PLEC: variants seen among roughly 807,000 people sequenced by gnomAD.
The protein encoded by PLEC is hemidesmosomal protein 1.
Under a neutral mutation model 392.8 loss-of-function variants are expected in PLEC, and 216 were observed. That is an observed-to-expected ratio of 0.55 (90% confidence interval 0.49 to 0.62). The LOEUF (loss-of-function observed/expected upper bound fraction) is 0.62. Ranked by LOEUF, PLEC falls within the 20% of genes least tolerant of loss-of-function variation. The pLI is 0.00. For synonymous variants in PLEC, 3,621 were observed against 2,980.6 expected, an observed-to-expected ratio of 1.21 and a Z score of -7.00; for missense variants, 6,863 against 6,563.4, an observed-to-expected ratio of 1.05 and a Z score of -1.58.
chr8:143,920,308 C>G lies in PLEC; in HGVS notation c.9513G>C (p.Leu3171=), dbSNP rs1554681376. The G allele has an allele frequency of 3.1e-6, 5 of 1,590,532 alleles. No individual in the cohort carries two copies. The highest frequency in any genetic ancestry group is 4.3e-6 in the Non-Finnish European group (5 of 1,174,570). The part of the protein sequence containing the change: ...GCLDEETSRA[L]SAPRADAKAY... Reference sequence around the variant, plus strand: ...CCTTGGCGTCGGCCCTTGGTGCCGACAGGGCCCTGCTGGTCTCCTCATCCA... The same window carrying G: ...CCTTGGCGTCGGCCCTTGGTGCCGAGAGGGCCCTGCTGGTCTCCTCATCCA... Residue 3171 remains leucine, a synonymous_variant, in exon 32 of 32, where the codon CTG becomes CTC. Coordinates refer to ENST00000345136, the MANE Select transcript of PLEC (RefSeq NM_201384.3).
upstream of PLEC, chr8:143,942,619 C>T: frequency 3.7e-6 from 5 of 1,342,566 alleles, no homozygotes; most frequent in Non-Finnish European, 4.9e-6. Context: ...GCCGGCTTCG[C>T]TCTCCACCTC....
At position 143,925,308 on chromosome 8, in the gene PLEC, G is replaced by A; in HGVS notation, c.4621C>T (p.Leu1541=). Residue 1541 remains leucine (L), a synonymous_variant, in exon 31 of 32, where the codon CTG becomes TTG. Transcript: ENST00000345136. ...KQRALQALEE[L]RLQAEEAERR... is the part of the protein sequence containing the mutation. ...TCCGCCTCCTCCGCCTGCAGCCGCA[G>A]CTCCTCCAGGGCCTGCAGGGCCCGC... 2 of 1,569,702 alleles carry A rather than the reference G, an allele frequency of 1.3e-6. No homozygotes were observed. Among genetic ancestry groups the A allele is most frequent in the East Asian group, 2.3e-5 (1 of 42,938 alleles).
At chr8:143,936,138 C>G in intron 5 of PLEC, 124 bp from the exon 6 acceptor site, 2 of 1,032,842 alleles carry the variant, frequency 1.9e-6, no homozygotes, top group Non-Finnish European at 1.5e-6. Flanking sequence ...GGCCACCAAA[C>G]CAGCCAGGGC....
chr8:143,930,372 G>A lies in PLEC; in HGVS notation c.2457+12C>T. On this transcript the variant is annotated intron_variant, in intron 20 of 31. Transcript: ENST00000345136. ...GGCCACGCCCCCCAGTGGACCCCCGGCCTGCGCTCACCTCCACCTGCTTAT... is the reference window on the plus strand; with the variant it reads ...GGCCACGCCCCCCAGTGGACCCCCGACCTGCGCTCACCTCCACCTGCTTAT... 1 of 1,574,618 alleles carries A rather than the reference G, an allele frequency of 6.4e-7. No individual in the cohort carries two copies.
At position 143,921,398 on chromosome 8, in the gene PLEC, G is replaced by A; in HGVS notation, c.8423C>T (p.Ala2808Val). ...VREHGIRLLE[A>V]QIATGGVIDP... ...GATAACGCCGCCCGTGGCGATCTGG[G>A]CCTCCAGCAGGCGGATGCCGTGCTC... Residue 2808 changes from alanine to valine, a missense_variant, in exon 32 of 32, where the codon GCC becomes GTC. Transcript: ENST00000345136. The A allele has an allele frequency of 6.2e-7, 1 of 1,613,384 alleles. No homozygotes were observed. Among genetic ancestry groups the A allele is most frequent in the Non-Finnish European group, 8.5e-7 (1 of 1,179,808 alleles).
At chr8:143,959,117 G>C (rs1203777200) in intron 1 of PLEC, among the ~76,000 whole-genome samples, 6 of 152,218 alleles carry the variant, frequency 3.9e-5, no homozygotes, top group Admixed American at 3.9e-4. Flanking sequence ...CTGCTGAGGG[G>C]AGGGCGTGTG....
chr8:143,970,688 A>T (rs1833380386), intron 1 of PLEC, among the ~76,000 whole-genome samples: 2 of 152,142 alleles, frequency 1.3e-5, no homozygotes, highest in South Asian at 4.1e-4. Flanking sequence ...TCAGTTATGG[A>T]CTGGCCGCCT....
At chr8:143,976,497 C>T (rs546571980), upstream of PLEC, among the ~76,000 whole-genome samples, 1 of 152,286 alleles carries the variant, frequency 6.6e-6, no homozygotes, top group East Asian at 1.9e-4. Flanking sequence ...CCCCAGCGGC[C>T]TTTCCTGCCC....
intron 1 of PLEC, among the ~76,000 whole-genome samples, chr8:143,947,663 T>A (rs1210257452): frequency 2.0e-5 from 3 of 151,934 alleles, no homozygotes; most frequent in Admixed American, 1.3e-4. Context: ...GACAGGAGAA[T>A]CGCTTCAACC....
chr8:143,945,185 C>G (rs1193983498), intron 1 of PLEC: 1 of 474,280 alleles, frequency 2.1e-6, no homozygotes, highest in Non-Finnish European at 4.3e-6. Flanking sequence ...CACCGGTGGC[C>G]GGGACAGCCA....
upstream of PLEC, among the ~76,000 whole-genome samples, chr8:143,954,327 G>A (rs1489013436): frequency 8.4e-6 from 1 of 119,152 alleles, no homozygotes; most frequent in Non-Finnish European, 1.7e-5. This position sits in a 1 kb window ranked among gnomAD's most constrained non-coding sequence, Gnocchi z 4.6. Context: ...CCAGCAGTGT[G>A]CCCCTTCCCC....
intron 3 of PLEC, chr8:143,937,782 C>T (rs1480269692): frequency 9.8e-6 from 5 of 512,536 alleles, no homozygotes; most frequent in African/African-American, 7.7e-5. Context: ...CCCGCTCCCT[C>T]GGCTGCCCGG....
Position 143,916,641 on chromosome 8 carries a change from T to A in PLEC, c.13180A>T (p.Thr4394Ser). 1 of 1,610,624 alleles carries A rather than the reference T, an allele frequency of 6.2e-7. No homozygotes were observed. The highest frequency in any genetic ancestry group is 8.5e-7 in the Non-Finnish European group (1 of 1,179,096). ...GTGTCGGGCTCGATCAAGCCGCCGG[T>A]CAGGTACTGCACCTCCAGGAAGCGC... is the stretch of plus-strand genomic sequence containing the variant. ...GQRFLEVQYL[T>S]GGLIEPDTPG... Residue 4394 changes from threonine (T) to serine (S), a missense_variant, in exon 32 of 32, where the codon ACC becomes TCC. Transcript: ENST00000345136.
intron 1 of PLEC, among the ~76,000 whole-genome samples, chr8:143,966,170 C>G (rs1833078973): frequency 6.6e-6 from 1 of 152,246 alleles, no homozygotes; most frequent in African/African-American, 2.4e-5. Context: ...CAACGTGGCC[C>G]TGCTTCCTCA....
intron 10 of PLEC, 42 bp from the exon 11 acceptor site, chr8:143,934,487 AGGGGGTG>A: frequency 6.2e-7 from 1 of 1,608,252 alleles, no homozygotes; most frequent in East Asian, 2.2e-5. Context: ...GGCAGGGGGC[AGGGGGTG>A]GGGCGCTGGG....
At chr8:143,926,569 G>A (rs1285540077) in intron 30 of PLEC, among the ~76,000 whole-genome samples, 6 of 152,216 alleles carry the variant, frequency 3.9e-5, no homozygotes, top group African/African-American at 1.4e-4. Context: ...CAGCCACTGT[G>A]GGGGAGCAGT....
At chr8:143,938,472 C>G (rs1414677284) in intron 2 of PLEC, 159 bp downstream of exon 2, 3 of 1,544,478 alleles carry the variant, frequency 1.9e-6, no homozygotes, top group African/African-American at 1.4e-5. Context: ...GAGGCAGGAG[C>G]AGGCGTAGGG....
In PLEC at chr8:143,919,021, C is replaced by A. The variant is rs567004147; in HGVS notation, c.10800G>T (p.Gln3600His). 3.7e-6 allele frequency: 6 copies of A among 1,611,336 alleles called. No homozygotes were observed. The South Asian group carries it at 6.6e-5, about 18-fold the overall frequency. Residue 3600 changes from glutamine to histidine, a missense_variant, in exon 32 of 32, where the codon CAG becomes CAT. Transcript: ENST00000345136. ...GGAAGTCAGCCATCAGCTGGGCCCGCTGCTCCTCGGGGATCAGGTCCGACT... is the reference window on the plus strand; with the variant it reads ...GGAAGTCAGCCATCAGCTGGGCCCGATGCTCCTCGGGGATCAGGTCCGACT... ...VMQSDLIPEE[Q>H]RAQLMADFQA...
Position 143,969,165 on chromosome 8 carries a change from C to G in PLEC, c.70+4238G>C, listed in dbSNP as rs566511469. ...AGTGGGCACTTCCACACCACGGAAC[C>G]GACTCCAGCGGGGGGAGGGTGAGGT... On this transcript the variant is annotated intron_variant, in intron 1 of 31. Coordinates refer to the PLEC transcript ENST00000356346. This position sits in a 1 kb window ranked among gnomAD's most constrained non-coding sequence, Gnocchi z 5.1. Among the ~76,000 whole-genome samples the G allele has an allele frequency of 6.6e-6, 1 of 152,196 alleles. No homozygotes were observed. Among genetic ancestry groups the G allele is most frequent in the Non-Finnish European group, 1.5e-5 (1 of 68,040 alleles).
Sources: allele counts gnomAD v4.1 joint callset (sites outside exome capture counted in the v4.1 genomes callset), GRCh38; gene constraint gnomAD v4.1.1; non-coding constraint Gnocchi (gnomAD v3.1); transcripts MANE v1.5; gene names NCBI Gene and HGNC (gene_info 2026-07-23, HGNC 2026-07-21).